Variants in SPOCK3 observed in about 807,000 individuals in gnomAD.
The protein encoded by SPOCK3 is testican-3.
A neutral mutation model predicts 56.6 loss-of-function variants in SPOCK3; 30 were observed. The ratio of observed to expected loss-of-function variants is 0.53; its 90% confidence interval spans 0.40 to 0.72. The LOEUF (loss-of-function observed/expected upper bound fraction) is 0.72. Ranked by LOEUF, SPOCK3 falls within the 30% of genes least tolerant of loss-of-function variation. SPOCK3 has a pLI of 0.00. For synonymous variants in SPOCK3, 196 were observed against 183.3 expected (o/e 1.07, Z -0.56); for missense variants, 527 against 530.0 (o/e 0.99, Z 0.06).
intron 2 of SPOCK3, among the ~76,000 whole-genome samples, chr4:167,068,496 ATATT>A (rs1228288066): frequency 6.6e-6 from 1 of 151,746 alleles, no homozygotes; most frequent in South Asian, 2.1e-4. Context: ...ACAAATGAAT[ATATT>A]TATTAAATTA....
chr4:167,043,834 T>C (rs1753458661), intron 3 of SPOCK3, among the ~76,000 whole-genome samples: 1 of 152,000 alleles, frequency 6.6e-6, no homozygotes, highest in African/African-American at 2.4e-5. Flanking sequence ...TGGACTGGAT[T>C]TGCCAATACT....
chr4:166,852,904 A>ATTAATTAATTAATTATTTAAT (rs1730277940), intron 6 of SPOCK3, among the ~76,000 whole-genome samples: 2 of 152,210 alleles, frequency 1.3e-5, no homozygotes, highest in African/African-American at 2.4e-5. Context: ...TGGTATTAAA[A>ATTAATTAATTAATTATTTAAT]TATTAACATA....
At chr4:167,083,835 T>C (rs1326133595) in intron 2 of SPOCK3, among the ~76,000 whole-genome samples, 1 of 152,170 alleles carries the variant, frequency 6.6e-6, no homozygotes, top group Non-Finnish European at 1.5e-5. Flanking sequence ...AATTAGTTTC[T>C]TTAGCTTCAG....
intron 4 of SPOCK3, among the ~76,000 whole-genome samples, chr4:166,942,375 TA>T (rs1741187076): frequency 6.6e-6 from 1 of 151,514 alleles, no homozygotes; most frequent in Non-Finnish European, 1.5e-5. Context: ...CATACCCAGC[TA>T]ATTTTTGTAT....
At chr4:166,790,944 C>G (rs1741277902) in intron 7 of SPOCK3, among the ~76,000 whole-genome samples, 1 of 152,092 alleles carries the variant, frequency 6.6e-6, no homozygotes, top group African/African-American at 2.4e-5. Flanking sequence ...AATACAGAGG[C>G]AAATATACTG....
intron 5 of SPOCK3, among the ~76,000 whole-genome samples, chr4:166,899,306 C>CTATCTAA (rs1553997480): frequency 6.7e-6 from 1 of 148,582 alleles, no homozygotes; most frequent in Non-Finnish European, 1.5e-5. Context: ...ATCTATGTAC[C>CTATCTAA]CTATGGGTTG....
At chr4:167,073,593 T>C (rs556872606) in intron 2 of SPOCK3, among the ~76,000 whole-genome samples, 1 of 151,962 alleles carries the variant, frequency 6.6e-6, no homozygotes, top group Admixed American at 6.6e-5. Flanking sequence ...TCCCTTTGAG[T>C]CCTTTATTGT....
rs140885793 is a variant in SPOCK3, at chr4:166,771,641, C to T, written c.710-16912G>A. ...AAGATAAACTCTTAGTTCTAATGTG[C>T]CTAAATGTCATTAAATACCTGTTGC... On this transcript the variant is annotated intron_variant, in intron 7 of 10. Coordinates refer to ENST00000357545, the MANE Select transcript of SPOCK3 (RefSeq NM_001040159.2). Among the ~76,000 whole-genome samples, 1,148 of 151,950 alleles carry T rather than the reference C, an allele frequency of 7.6e-3. 6 individuals are homozygous for T. Among genetic ancestry groups the T allele is most frequent in the Middle Eastern group, 0.024 (7 of 294 alleles).
intron 2 of SPOCK3, among the ~76,000 whole-genome samples, chr4:167,146,417 A>T (rs1285774228): frequency 6.6e-6 from 1 of 152,150 alleles, no homozygotes; most frequent in East Asian, 1.9e-4. Flanking sequence ...CAGAAAATTA[A>T]CAAGGATATC....
At chr4:166,827,064 A>T (rs921048959) in intron 6 of SPOCK3, among the ~76,000 whole-genome samples, 11 of 151,902 alleles carry the variant, frequency 7.2e-5, no homozygotes, top group African/African-American at 2.7e-4. Flanking sequence ...GGAAGTACAG[A>T]CTCTGTCAGT....
At chr4:166,882,204 T>C (rs564912804) in intron 6 of SPOCK3, among the ~76,000 whole-genome samples, 1 of 152,200 alleles carries the variant, frequency 6.6e-6, no homozygotes, top group Non-Finnish European at 1.5e-5. Flanking sequence ...AGTGTAGAGA[T>C]AGTCTGAAAA....
At chr4:167,111,715 C>A (rs764004395) in intron 2 of SPOCK3, among the ~76,000 whole-genome samples, 1 of 151,190 alleles carries the variant, frequency 6.6e-6, no homozygotes, top group African/African-American at 2.4e-5. Context: ...TGACTGAATT[C>A]ATAACAATAG....
intron 7 of SPOCK3, among the ~76,000 whole-genome samples, chr4:166,769,190 C>G (rs12507377): frequency 0.33 from 49,516 of 151,828 alleles, 8,234 homozygotes; most frequent in Admixed American, 0.41. Context: ...CTCAACTCGT[C>G]AAAGTTATTC....
intron 8 of SPOCK3, among the ~76,000 whole-genome samples, chr4:166,752,362 T>C (rs1244949873): frequency 3.9e-5 from 6 of 152,076 alleles, no homozygotes; most frequent in Non-Finnish European, 7.4e-5. Context: ...CAAAATTAAC[T>C]TTAATTTTAT....
At chr4:166,957,147 G>A (rs1309499986) in intron 4 of SPOCK3, among the ~76,000 whole-genome samples, 2 of 152,128 alleles carry the variant, frequency 1.3e-5, no homozygotes, top group East Asian at 3.9e-4. Flanking sequence ...CCCAGCTACT[G>A]GGAGGCTGAG....
At chr4:166,985,152 A>G (rs1439632997) in intron 4 of SPOCK3, among the ~76,000 whole-genome samples, 1 of 152,148 alleles carries the variant, frequency 6.6e-6, no homozygotes, top group Non-Finnish European at 1.5e-5. Flanking sequence ...AAAGAAATTG[A>G]CTTAAACTCT....
At chr4:166,886,590 C>G (rs1734225073) in intron 6 of SPOCK3, among the ~76,000 whole-genome samples, 1 of 151,824 alleles carries the variant, frequency 6.6e-6, no homozygotes. Context: ...TGAAGAAAAT[C>G]TATATTTATT....
chr4:166,988,013 A>G (rs939922506), intron 4 of SPOCK3, among the ~76,000 whole-genome samples: 2 of 152,186 alleles, frequency 1.3e-5, no homozygotes. Context: ...TAAAAAATAT[A>G]GAAATTTGCA....
intron 2 of SPOCK3, among the ~76,000 whole-genome samples, chr4:167,232,132 A>G (rs1013206034): frequency 5.3e-5 from 8 of 152,136 alleles, no homozygotes; most frequent in African/African-American, 1.9e-4. Context: ...TATAGTAGGC[A>G]ACTCAGCTTG....
Sources: gnomAD v4.1 joint callset for allele counts (sites outside exome capture counted in the v4.1 genomes callset) on GRCh38, gnomAD v4.1.1 for gene constraint, MANE v1.5 for transcripts, NCBI Gene and HGNC (gene_info 2026-07-23, HGNC 2026-07-21) for gene names.